ASPRV1: variants seen among roughly 807,000 people sequenced by gnomAD.
The protein encoded by ASPRV1 is aspartic peptidase retroviral like 1.
Under a neutral mutation model 11.0 loss-of-function variants are expected in ASPRV1, and 7 were observed. The ratio of observed to expected loss-of-function variants is 0.64; its 90% CI spans 0.36 to 1.20. ASPRV1 has a LOEUF of 1.20. ASPRV1 is among the 50% of genes most tolerant of loss of function. The pLI, the probability that ASPRV1 is intolerant of heterozygous loss-of-function variation, is 0.02. For missense variants in ASPRV1, 299 were observed against 320.0 expected, an observed-to-expected ratio of 0.93 and a Z score of 0.50; for synonymous variants, 136 against 138.4, an observed-to-expected ratio of 0.98 and a Z score of 0.12.
At chr2:70,028,634 G>T in the ASPRV1 span, 1 of 152,186 alleles carries the variant, frequency 6.6e-6, no homozygotes, top group African/African-American at 2.4e-5. Context: ...GGATCTTTAA[G>T]AGGTGATTAG....
the ASPRV1 span, chr2:69,998,262 T>C: frequency 6.6e-6 from 1 of 152,094 alleles, no homozygotes; most frequent in Non-Finnish European, 1.5e-5. Context: ...AGTGAATACC[T>C]ATGTAAAAAT....
the ASPRV1 span, chr2:70,030,875 T>C: frequency 6.8e-4 from 103 of 152,302 alleles, no homozygotes; most frequent in African/African-American, 2.4e-3. Context: ...ATATGCTGAA[T>C]GCCACATACC....
chr2:70,046,137 T>C, the ASPRV1 span: 3 of 152,238 alleles, frequency 2.0e-5, no homozygotes, highest in East Asian at 5.8e-4. Flanking sequence ...GAGCCTTGGC[T>C]ACCCCTCCTG....
At chr2:70,045,676 T>C in the ASPRV1 span, 2 of 152,088 alleles carry the variant, frequency 1.3e-5, no homozygotes, top group Non-Finnish European at 2.9e-5. Flanking sequence ...TAAAAAAGCC[T>C]GGTTGGGAGG....
At chr2:69,951,518 TACAC>T in the ASPRV1 span, among the ~76,000 whole-genome samples, 1 of 147,790 alleles carries the variant, frequency 6.8e-6, no homozygotes, top group Non-Finnish European at 1.5e-5. Flanking sequence ...TATAGATCTA[TACAC>T]ACACACTCAT....
At chr2:70,072,910 A>AAT in the ASPRV1 span, among the ~76,000 whole-genome samples, 2 of 150,666 alleles carry the variant, frequency 1.3e-5, no homozygotes, top group East Asian at 3.9e-4. Context: ...AAAAAAAAAA[A>AAT]AAAAAACAGC....
the ASPRV1 span, among the ~76,000 whole-genome samples, chr2:70,077,052 A>G: frequency 2.0e-5 from 3 of 152,214 alleles, no homozygotes; most frequent in African/African-American, 7.2e-5. Flanking sequence ...GTGTCAAAGC[A>G]GGAGGTCCGA....
the ASPRV1 span, among the ~76,000 whole-genome samples, chr2:69,998,656 G>A: frequency 6.6e-6 from 1 of 151,876 alleles, no homozygotes; most frequent in Non-Finnish European, 1.5e-5. Context: ...GTGAACCCGG[G>A]AGGCGGATCT....
chr2:70,083,844 A>G, the ASPRV1 span, among the ~76,000 whole-genome samples: 25 of 152,272 alleles, frequency 1.6e-4, no homozygotes, highest in Middle Eastern at 6.8e-3. Flanking sequence ...TGCTTTATAA[A>G]AGGGAGAACT....
At chr2:70,066,841 C>T in the ASPRV1 span, among the ~76,000 whole-genome samples, 47 of 152,080 alleles carry the variant, frequency 3.1e-4, no homozygotes, top group African/African-American at 1.1e-3. Context: ...CCTCCCACCT[C>T]GGCCTCCCAA....
the ASPRV1 span, among the ~76,000 whole-genome samples, chr2:70,020,070 A>AT: frequency 5.3e-5 from 8 of 152,158 alleles, no homozygotes; most frequent in Non-Finnish European, 5.9e-5. Context: ...CAAAACACAC[A>AT]TTTTTTAAAA....
At chr2:69,935,232 G>T in the ASPRV1 span, 1 of 692,338 alleles carries the variant, frequency 1.4e-6, no homozygotes. Context: ...AAAGGTCATT[G>T]GTAGCATTTG....
the ASPRV1 span, among the ~76,000 whole-genome samples, chr2:70,060,332 C>A: frequency 7.4e-6 from 1 of 134,290 alleles, no homozygotes; most frequent in Non-Finnish European, 1.5e-5. Flanking sequence ...CAGAGTGAGA[C>A]TCCATCTCAA....
At chr2:69,937,047 G>A in the ASPRV1 span, 1 of 776,552 alleles carries the variant, frequency 1.3e-6, no homozygotes, top group African/African-American at 1.7e-5. Context: ...TGGCGATGCT[G>A]AAGAGTCAGA....
the ASPRV1 span, among the ~76,000 whole-genome samples, chr2:70,020,117 T>C: frequency 5.5e-4 from 84 of 152,264 alleles, no homozygotes; most frequent in Admixed American, 2.2e-3. Flanking sequence ...TATGGGGAAA[T>C]TGAACCCCTC....
At chr2:70,079,379 G>A in the ASPRV1 span, among the ~76,000 whole-genome samples, 1 of 152,126 alleles carries the variant, frequency 6.6e-6, no homozygotes, top group Non-Finnish European at 1.5e-5. Context: ...GAGGAGGGGA[G>A]GGAGGATTTC....
At chr2:70,007,484 C>T in the ASPRV1 span, among the ~76,000 whole-genome samples, 1 of 151,936 alleles carries the variant, frequency 6.6e-6, no homozygotes, top group Non-Finnish European at 1.5e-5. Context: ...CACCATTGCA[C>T]TCCGGCATGG....
chr2:70,085,682 G>A, the ASPRV1 span: 7 of 152,198 alleles, frequency 4.6e-5, no homozygotes, highest in African/African-American at 1.2e-4. Context: ...GAGGACCATG[G>A]TAAAAATTAA....
the ASPRV1 span, among the ~76,000 whole-genome samples, chr2:69,990,221 T>C: frequency 6.6e-6 from 1 of 152,190 alleles, no homozygotes; most frequent in African/African-American, 2.4e-5. Flanking sequence ...TCTCACTCTA[T>C]TGTCCAGGTT....
Sources: allele counts gnomAD v4.1 joint callset (sites outside exome capture counted in the v4.1 genomes callset), GRCh38; gene constraint gnomAD v4.1.1; transcripts MANE v1.5; gene names NCBI Gene and HGNC (gene_info 2026-07-23, HGNC 2026-07-21).